Variants in ITGA6 observed in about 807,000 individuals in gnomAD.
ITGA6 encodes integrin subunit alpha 6.
Under a neutral mutation model 133.6 loss-of-function variants are expected in ITGA6, and 63 were observed. That is an observed-to-expected ratio of 0.47 (90% CI 0.38 to 0.58). ITGA6 has a LOEUF of 0.58. ITGA6 is among the 20% of genes least tolerant of loss of function. The pLI, the probability that ITGA6 is intolerant of heterozygous loss-of-function variation, is 0.00. For synonymous variants in ITGA6, 434 were observed against 482.0 expected (o/e 0.90, Z 1.30); for missense variants, 1,068 against 1,309.4 (o/e 0.82, Z 2.85).
In ITGA6 at chr2:172,465,660, G is replaced by A. The variant is rs753805092; in HGVS notation, c.304G>A (p.Asp102Asn). 14 of 1,614,040 alleles carry A rather than the reference G, an allele frequency of 8.7e-6. No individual in the cohort carries two copies. The highest frequency in any genetic ancestry group is 3.3e-4 in the Middle Eastern group (2 of 6,082). Reference protein sequence around the residue: ...GPCTRIEFDNDADPTSESKED... With the variant: ...GPCTRIEFDNNADPTSESKED... ...ATGCACGCGGATCGAGTTTGATAAC[G>A]ATGGTGCGTTCCTTTCCCTCACTCA... is the stretch of plus-strand genomic sequence containing the variant. The change falls in exon 2 of 26, where the codon GAT (aspartate) becomes AAT (asparagine). Residue 102 changes from aspartate to asparagine, a missense_variant. By Grantham distance (23) the Asp-to-Asn change is conservative. This residue lies in a region of ITGA6 where 142 missense variants were observed against 145.3 expected (regional missense o/e 0.98). Transcript: ENST00000684293.
chr2:172,491,333 T>C lies in ITGA6; in HGVS notation c.2889+2T>C. On this transcript the variant is annotated splice_donor_variant, in intron 22 of 25. Coordinates refer to ENST00000684293, the MANE Select transcript of ITGA6 (RefSeq NM_000210.4). LOFTEE classifies it high-confidence loss of function. This position sits in a 1 kb window ranked among gnomAD's most constrained non-coding sequence, Gnocchi z 4.4. Reference sequence around the variant, plus strand: ...TTATGGAACAGCACATTTCTAGAGGTATGACCTTGGCTTGAGGCTGTCCCA... The same window carrying C: ...TTATGGAACAGCACATTTCTAGAGGCATGACCTTGGCTTGAGGCTGTCCCA... 6.3e-7 allele frequency: 1 copy of C among 1,599,870 alleles called. No homozygotes were observed. The highest frequency in any genetic ancestry group is 8.6e-7 in the Non-Finnish European group (1 of 1,167,064).
intron 1 of ITGA6, among the ~76,000 whole-genome samples, chr2:172,452,997 G>A (rs1238071252): frequency 6.6e-6 from 1 of 152,162 alleles, no homozygotes; most frequent in Admixed American, 6.5e-5. Flanking sequence ...CCTTTAATAA[G>A]TCTAGTTAAG....
At chr2:172,482,132 A>AGACT (rs1265788720) in intron 11 of ITGA6, among the ~76,000 whole-genome samples, 1 of 152,226 alleles carries the variant, frequency 6.6e-6, no homozygotes, top group Non-Finnish European at 1.5e-5. Context: ...TATAAAATAC[A>AGACT]GACTTTCTCC....
intron 11 of ITGA6, among the ~76,000 whole-genome samples, chr2:172,482,564 GA>G (rs545006306): frequency 1.7e-4 from 26 of 152,268 alleles, no homozygotes; most frequent in African/African-American, 5.5e-4. Context: ...GGGAAGGTTA[GA>G]GTGAATTTGG....
chr2:172,502,715 CT>C (rs1687397220), intron 25 of ITGA6, among the ~76,000 whole-genome samples: 1 of 152,168 alleles, frequency 6.6e-6, no homozygotes. Context: ...AACCTTGGAT[CT>C]CAGTTGATTT....
chr2:172,479,804 AT>A, intron 10 of ITGA6, 65 bp downstream of exon 10: 1 of 1,432,776 alleles, frequency 7.0e-7, no homozygotes, highest in Non-Finnish European at 9.8e-7. Flanking sequence ...TGATGACTCT[AT>A]TGTCCTGAGG....
intron 1 of ITGA6, among the ~76,000 whole-genome samples, chr2:172,453,494 C>T (rs917856937): frequency 6.6e-6 from 1 of 152,140 alleles, no homozygotes; most frequent in Non-Finnish European, 1.5e-5. Context: ...GCCCTCCAGC[C>T]TGGGCAACAG....
chr2:172,431,332 A>G (rs1684096590), intron 1 of ITGA6, among the ~76,000 whole-genome samples: 1 of 152,234 alleles, frequency 6.6e-6, no homozygotes, highest in South Asian at 2.1e-4. Flanking sequence ...CCATTTTTAA[A>G]TGGAAAAGCC....
intron 1 of ITGA6, among the ~76,000 whole-genome samples, chr2:172,449,998 C>T (rs1030121901): frequency 2.0e-5 from 3 of 150,460 alleles, no homozygotes; most frequent in Admixed American, 1.3e-4. Flanking sequence ...ATGCAACCAG[C>T]GAAGATCTGA....
At chr2:172,485,621 A>G (rs1686633511) in intron 13 of ITGA6, among the ~76,000 whole-genome samples, 1 of 152,228 alleles carries the variant, frequency 6.6e-6, no homozygotes, top group Non-Finnish European at 1.5e-5. Context: ...AAATGTAGAA[A>G]GCAGTGTGTT....
intron 1 of ITGA6, among the ~76,000 whole-genome samples, chr2:172,442,230 G>T (rs1463345091): frequency 6.6e-6 from 1 of 152,152 alleles, no homozygotes; most frequent in Middle Eastern, 3.2e-3. Flanking sequence ...CCTGACTCAG[G>T]CCACTGACTC....
chr2:172,486,953 A>G, intron 13 of ITGA6, 70 bp from the exon 14 acceptor site: 1 of 809,728 alleles, frequency 1.2e-6, no homozygotes, highest in East Asian at 2.5e-5. Context: ...TGGAATAGCC[A>G]GTCACCTACA....
chr2:172,485,256 C>A lies in ITGA6; in HGVS notation c.1846C>A (p.His616Asn). ...GAATTCAGATGAACCCAAGACAGCT[C>A]ATATTGATGTAAGTCTCTCTGACTT... ...ILNSDEPKTAHIDVHFLKEGC... is the reference protein window; with the variant it reads ...ILNSDEPKTANIDVHFLKEGC... Residue 616 changes from histidine (H) to asparagine (N), a missense_variant, in exon 13 of 26, where the codon CAT (histidine) becomes AAT (asparagine). Physicochemically the swap from His to Asn is moderately conservative, Grantham distance 68. Coordinates refer to ENST00000684293, the MANE Select transcript of ITGA6 (RefSeq NM_000210.4). The A allele has an allele frequency of 6.2e-7, 1 of 1,613,994 alleles. No homozygotes were observed. The highest frequency in any genetic ancestry group is 1.1e-5 in the South Asian group (1 of 91,064).
chr2:172,466,373 A>G (rs558038899), intron 2 of ITGA6, among the ~76,000 whole-genome samples: 2 of 152,294 alleles, frequency 1.3e-5, no homozygotes, highest in East Asian at 3.9e-4. Context: ...TAATCCTAGC[A>G]TTTTGGGAGG....
intron 1 of ITGA6, among the ~76,000 whole-genome samples, chr2:172,437,229 T>C (rs1300414255): frequency 6.6e-6 from 1 of 152,200 alleles, no homozygotes. Flanking sequence ...GGATTTTAAA[T>C]GGATTTCTCT....
chr2:172,458,068 AG>A lies in ITGA6; in HGVS notation c.183-7469del, dbSNP rs528193568. ...GACCACACAGGGGTCCACAGAGACC[AG>A]GTGATTCCATCGTTCCCTACCTCTG... On this transcript the variant is annotated intron_variant, in intron 1 of 25. Coordinates refer to ENST00000684293, the MANE Select transcript of ITGA6 (RefSeq NM_000210.4). Among the ~76,000 whole-genome samples the A allele has an allele frequency of 3.9e-5, 6 of 152,196 alleles. No individual in the cohort carries two copies. In the South Asian group the frequency reaches 1.2e-3, roughly 32 times the overall value.
intron 1 of ITGA6, among the ~76,000 whole-genome samples, chr2:172,433,119 G>T (rs1684173991): frequency 6.6e-6 from 1 of 152,186 alleles, no homozygotes; most frequent in South Asian, 2.1e-4. Flanking sequence ...GCAGCAGTGG[G>T]AAGTGGACGT....
chr2:172,461,024 C>T (rs994302561), intron 1 of ITGA6, among the ~76,000 whole-genome samples: 7 of 152,138 alleles, frequency 4.6e-5, no homozygotes, highest in Non-Finnish European at 8.8e-5. Context: ...AAAAGTATAC[C>T]AGCTCTCTTT....
At chr2:172,434,030 C>T (rs1400504397) in intron 1 of ITGA6, among the ~76,000 whole-genome samples, 1 of 152,092 alleles carries the variant, frequency 6.6e-6, no homozygotes, top group Non-Finnish European at 1.5e-5. Context: ...TTGAAAGCAC[C>T]CCCACACCTC....
Sources: allele counts gnomAD v4.1 joint callset (sites outside exome capture counted in the v4.1 genomes callset), GRCh38; gene constraint gnomAD v4.1.1; regional missense constraint gnomAD v4.1.1; non-coding constraint Gnocchi (gnomAD v3.1); transcripts MANE v1.5; gene names NCBI Gene and HGNC (gene_info 2026-07-23, HGNC 2026-07-21).